Variants in LIPI observed in about 807,000 individuals in gnomAD.
LIPI encodes the protein lipase I.
Under a neutral mutation model 50.6 loss-of-function variants are expected in LIPI, and 59 were observed. The observed-to-expected ratio is 1.16, with a 90% confidence interval of 0.94 to 1.45. The LOEUF is 1.45. LIPI is among the 40% of genes most tolerant of loss of function. LIPI has a pLI of 0.00. For synonymous variants in LIPI, 203 were observed against 178.2 expected (o/e 1.14, Z -1.11); for missense variants, 586 against 536.3 (o/e 1.09, Z -0.92).
chr21:14,111,869 T>C (rs1210214653), intron 9 of LIPI, among the ~76,000 whole-genome samples: 1 of 152,042 alleles, frequency 6.6e-6, no homozygotes, highest in East Asian at 1.9e-4. Flanking sequence ...TTAAAATAGA[T>C]TCAGGGGGTA....
At chr21:14,167,076 G>A (rs9983467) in intron 4 of LIPI, among the ~76,000 whole-genome samples, 3,161 of 152,296 alleles carry the variant, frequency 0.021, 101 homozygotes, top group African/African-American at 0.071. Flanking sequence ...CACATGGCTC[G>A]GAGGGTCCTA....
rs987865515 is a variant in LIPI, at chr21:14,168,326, G to A, written c.644-1875C>T. ...TCCAGGAGGACTTCCCCAATCTAGC[G>A]AGGAAGGCCAACATTCAGATTCAGG... On this transcript the variant is annotated intron_variant, in intron 4 of 9. Coordinates refer to ENST00000681601, the MANE Select transcript of LIPI (RefSeq NM_001302998.2). Among the ~76,000 whole-genome samples, 20 of 152,128 alleles carry A rather than the reference G, an allele frequency of 1.3e-4. 1 individual carries two copies. The highest frequency in any genetic ancestry group is 5.9e-5 in the Non-Finnish European group (4 of 68,034).
intron 9 of LIPI, 200 bp downstream of exon 9, chr21:14,144,423 C>A: frequency 2.4e-6 from 1 of 422,336 alleles, no homozygotes. Context: ...TTTGATTAGA[C>A]AATGAGATTC....
At chr21:14,131,404 T>A (rs2017290130) in intron 9 of LIPI, among the ~76,000 whole-genome samples, 1 of 152,126 alleles carries the variant, frequency 6.6e-6, no homozygotes, top group South Asian at 2.1e-4. Flanking sequence ...TGCCACAACA[T>A]CAACTAATAA....
At chr21:14,150,254 C>T (rs901692259) in intron 8 of LIPI, among the ~76,000 whole-genome samples, 1 of 152,122 alleles carries the variant, frequency 6.6e-6, no homozygotes, top group Non-Finnish European at 1.5e-5. Context: ...ATCCTTGACA[C>T]GTGGGGATTA....
intron 7 of LIPI, among the ~76,000 whole-genome samples, chr21:14,158,351 G>A (rs2018343725): frequency 1.3e-5 from 2 of 151,262 alleles, no homozygotes; most frequent in Admixed American, 6.6e-5. Flanking sequence ...AATAACCCAT[G>A]GTCAAAGAAG....
chr21:14,164,162 G>T (rs895538987), intron 6 of LIPI, among the ~76,000 whole-genome samples: 2 of 151,580 alleles, frequency 1.3e-5, no homozygotes, highest in Non-Finnish European at 2.9e-5. Context: ...GTATTTCTTT[G>T]TTCCCACATT....
At chr21:14,192,013 A>G (rs752435180) in intron 1 of LIPI, among the ~76,000 whole-genome samples, 7 of 152,198 alleles carry the variant, frequency 4.6e-5, no homozygotes, top group Non-Finnish European at 1.0e-4. Flanking sequence ...CAACTCCCAT[A>G]TGACTCCACA....
intron 3 of LIPI, among the ~76,000 whole-genome samples, chr21:14,184,163 C>T (rs1030825981): frequency 6.6e-6 from 1 of 152,192 alleles, no homozygotes; most frequent in African/African-American, 2.4e-5. Flanking sequence ...AGGATGAGTT[C>T]ATGTCCTTTG....
intron 5 of LIPI, among the ~76,000 whole-genome samples, chr21:14,165,762 T>C (rs1385356921): frequency 6.6e-6 from 1 of 152,232 alleles, no homozygotes; most frequent in Non-Finnish European, 1.5e-5. Context: ...TGAAACCAGC[T>C]GACCTTAAAA....
At chr21:14,122,386 C>A (rs552879767) in intron 9 of LIPI, among the ~76,000 whole-genome samples, 1 of 152,268 alleles carries the variant, frequency 6.6e-6, no homozygotes, top group East Asian at 1.9e-4. Context: ...AATAGGGAAA[C>A]CTTTGTTACC....
At chr21:14,161,795 TTATATATTAATGTATAATATATACAAA>T (rs2018497602) in intron 7 of LIPI, among the ~76,000 whole-genome samples, 3 of 37,274 alleles carry the variant, frequency 8.0e-5, no homozygotes, top group Admixed American at 5.2e-4. Flanking sequence ...ATATACATTA[TTATATATTAATGTATAATATATACAAA>T]TATATATTAA....
intron 9 of LIPI, among the ~76,000 whole-genome samples, chr21:14,138,720 AT>A: frequency 6.6e-6 from 1 of 152,058 alleles, no homozygotes; most frequent in Non-Finnish European, 1.5e-5. Context: ...CAATGTATAA[AT>A]TACCCTATTA....
chr21:14,191,485 A>T (rs1374646236), intron 1 of LIPI, among the ~76,000 whole-genome samples: 1 of 151,918 alleles, frequency 6.6e-6, no homozygotes, highest in Non-Finnish European at 1.5e-5. Context: ...GCAGTTCTGT[A>T]CCCTGCCTAT....
chr21:14,168,349 A>G (rs1174134328), intron 4 of LIPI, among the ~76,000 whole-genome samples: 1 of 152,212 alleles, frequency 6.6e-6, no homozygotes, highest in East Asian at 1.9e-4. Context: ...ATTCAGATTC[A>G]GGAAATACAG....
Position 14,144,627 on chromosome 21 carries a change from C to T in LIPI, c.1291G>A (p.Glu431Lys), listed in dbSNP as rs2822432. The change falls in exon 9 of 10, where the codon GAA (glutamate) becomes AAA (lysine). Residue 431 changes from glutamate to lysine, a missense_variant. By Grantham distance (56) the Glu-to-Lys change is moderately conservative (BLOSUM62 1). Coordinates refer to ENST00000681601, the MANE Select transcript of LIPI (RefSeq NM_001302998.2). Reference sequence around the variant, plus strand: ...ATCAAAATTTAATTTTCTTACCTTTCTGGGTATGTAAGTGATTTTAACATG... The same window carrying T: ...ATCAAAATTTAATTTTCTTACCTTTTTGGGTATGTAAGTGATTTTAACATG... ...SLMLKSLTYP[E>K]RPPLCRYNIV... 0.33 allele frequency: 484,405 copies of T among 1,489,842 alleles called. 84,235 individuals are homozygous for T. Among genetic ancestry groups the T allele is most frequent in the African/African-American group, 0.54 (38,824 of 71,768 alleles). 92.3% of individuals were successfully genotyped at this position (1,489,842 alleles called of 1,614,324 possible). A position where few individuals can be genotyped will look rare whatever the true frequency, so the allele number is the denominator to read the frequency against.
chr21:14,110,042 G>A (rs2016339888), intron 9 of LIPI, among the ~76,000 whole-genome samples: 1 of 151,792 alleles, frequency 6.6e-6, no homozygotes, highest in Non-Finnish European at 1.5e-5. Context: ...TACTGAATTT[G>A]TACTTCTAAT....
At chr21:14,166,881 C>T (rs985437135) in intron 4 of LIPI, among the ~76,000 whole-genome samples, 1 of 152,182 alleles carries the variant, frequency 6.6e-6, no homozygotes, top group East Asian at 1.9e-4. Flanking sequence ...GGGTGCAGCG[C>T]ACCATGTGCA....
chr21:14,115,333 T>G (rs1388003318), intron 9 of LIPI, among the ~76,000 whole-genome samples: 1 of 152,176 alleles, frequency 6.6e-6, no homozygotes, highest in East Asian at 1.9e-4. Flanking sequence ...ACTGATCAAC[T>G]GCCTTTTTTC....
Sources: allele counts gnomAD v4.1 joint callset (sites outside exome capture counted in the v4.1 genomes callset), GRCh38; gene constraint gnomAD v4.1.1; transcripts MANE v1.5; gene names NCBI Gene and HGNC (gene_info 2026-07-23, HGNC 2026-07-21).